Variants in DENND1A observed in about 807,000 individuals in gnomAD.
DENND1A encodes the protein DENN domain containing 1A.
Under a neutral mutation model 113.7 loss-of-function variants are expected in DENND1A, and 51 were observed. The ratio of observed to expected loss-of-function variants is 0.45; its 90% CI spans 0.36 to 0.57. The LOEUF (loss-of-function observed/expected upper bound fraction) is 0.57, where lower values mean the gene tolerates loss of function less well. Among genes scored for constraint, DENND1A ranks in the 20% least tolerant of loss-of-function variants. The pLI is 0.00. For synonymous variants in DENND1A, 565 were observed against 570.8 expected, an observed-to-expected ratio of 0.99 and a Z score of 0.14; for missense variants, 1,258 against 1,395.9, an observed-to-expected ratio of 0.90 and a Z score of 1.57.
chr9:123,557,577 A>T lies in DENND1A; in HGVS notation c.986T>A (p.Ile329Asn). Residue 329 changes from isoleucine to asparagine, a missense_variant, in exon 13 of 24, where the codon ATC becomes AAC. Around this residue, in one of 2 missense-constraint regions of DENND1A, gnomAD observed 1,159 missense variants for 1,231.7 expected, o/e 0.94. Transcript: ENST00000394215. ...CATGCCAAGGCTACTCACCGGCTCG[A>T]TTTTCAGAGCGTTTCGGTAGCTACC... ...FFGSYRNALK[I>N]EPEEPITFCE... 1 of 1,613,572 alleles carries T rather than the reference A, an allele frequency of 6.2e-7. No individual in the cohort carries two copies. The highest frequency in any genetic ancestry group is 8.5e-7 in the Non-Finnish European group (1 of 1,179,788).
intron 2 of DENND1A, among the ~76,000 whole-genome samples, chr9:123,818,272 T>C (rs1426967449): frequency 6.6e-6 from 1 of 151,572 alleles, no homozygotes; most frequent in African/African-American, 2.4e-5. Context: ...ACCCGGCTAA[T>C]TTTTTGTATT....
intron 13 of DENND1A, among the ~76,000 whole-genome samples, chr9:123,503,661 A>G (rs2052679467): frequency 6.6e-6 from 1 of 152,198 alleles, no homozygotes; most frequent in Non-Finnish European, 1.5e-5. Context: ...CTAGCTGTCT[A>G]ATGCCTGATA....
At chr9:123,853,200 G>T (rs991648054) in intron 2 of DENND1A, among the ~76,000 whole-genome samples, 9 of 151,620 alleles carry the variant, frequency 5.9e-5, no homozygotes, top group Admixed American at 4.6e-4. Flanking sequence ...TTACAGGCAT[G>T]AGCCACCACG....
chr9:123,615,628 T>C (rs2060616077), intron 10 of DENND1A, among the ~76,000 whole-genome samples: 1 of 152,244 alleles, frequency 6.6e-6, no homozygotes, highest in African/African-American at 2.4e-5. Context: ...CAAGTCCTAC[T>C]GAAGCCATGC....
At chr9:123,834,630 G>A (rs531587670) in intron 2 of DENND1A, among the ~76,000 whole-genome samples, 11 of 152,176 alleles carry the variant, frequency 7.2e-5, no homozygotes, top group African/African-American at 1.7e-4. Flanking sequence ...CTACTCACAC[G>A]TCATAAGCCC....
intron 5 of DENND1A, among the ~76,000 whole-genome samples, chr9:123,702,306 C>T (rs1053191260): frequency 1.3e-5 from 2 of 151,950 alleles, no homozygotes; most frequent in South Asian, 2.1e-4. Flanking sequence ...ATGAGATTTA[C>T]GGAATGGCAT....
chr9:123,534,986 T>C (rs1461409886), intron 13 of DENND1A, among the ~76,000 whole-genome samples: 2 of 152,122 alleles, frequency 1.3e-5, no homozygotes, highest in South Asian at 2.1e-4. Flanking sequence ...GGACAAAAAG[T>C]TGGAGGCAGA....
At chr9:123,754,688 A>G (rs1191462003) in intron 5 of DENND1A, among the ~76,000 whole-genome samples, 2 of 152,216 alleles carry the variant, frequency 1.3e-5, no homozygotes, top group East Asian at 3.8e-4. Context: ...GAATGAATTA[A>G]CCCACCGAAT....
At chr9:123,429,220 A>C (rs2045958117) in intron 19 of DENND1A, among the ~76,000 whole-genome samples, 1 of 152,178 alleles carries the variant, frequency 6.6e-6, no homozygotes. Context: ...ATATAACCTC[A>C]GAAATAAAAC....
At chr9:123,659,981 G>C (rs960343762) in intron 8 of DENND1A, among the ~76,000 whole-genome samples, 4 of 152,154 alleles carry the variant, frequency 2.6e-5, no homozygotes, top group Non-Finnish European at 4.4e-5. Context: ...AGGCTTTCCT[G>C]CTTCATTTTG....
At chr9:123,587,248 A>G (rs2059221482) in intron 11 of DENND1A, among the ~76,000 whole-genome samples, 1 of 152,224 alleles carries the variant, frequency 6.6e-6, no homozygotes, top group African/African-American at 2.4e-5. Flanking sequence ...AGAAGTACAG[A>G]GCATAACTGA....
In DENND1A at chr9:123,395,313, G is replaced by A. The variant is rs1213459273; in HGVS notation, c.1632-7455C>T. ...AAGAGGCGACAGACAAATGGGTCCC[G>A]TGTCTTCCGGGGCTGCTGCAGATCC... On this transcript the variant is annotated intron_variant, in intron 21 of 23. Coordinates refer to ENST00000394215, the MANE Select transcript of DENND1A (RefSeq NM_001352964.2). Among the ~76,000 whole-genome samples, 8 of 152,114 alleles carry A rather than the reference G, an allele frequency of 5.3e-5. No individual in the cohort carries two copies. In the South Asian group the frequency reaches 8.3e-4, roughly 16 times the overall value.
intron 2 of DENND1A, among the ~76,000 whole-genome samples, chr9:123,798,969 T>C (rs781407491): frequency 4.6e-5 from 7 of 152,136 alleles, no homozygotes; most frequent in Non-Finnish European, 8.8e-5. Context: ...TGAGTTAGGA[T>C]TCATTTTATC....
At chr9:123,657,888 A>G (rs180782563) in intron 8 of DENND1A, among the ~76,000 whole-genome samples, 1 of 151,762 alleles carries the variant, frequency 6.6e-6, no homozygotes, top group African/African-American at 2.4e-5. Flanking sequence ...ATCAAATCAG[A>G]GAAGAGTATT....
chr9:123,785,371 A>C (rs963047911), intron 3 of DENND1A, among the ~76,000 whole-genome samples: 1 of 152,052 alleles, frequency 6.6e-6, no homozygotes, highest in Non-Finnish European at 1.5e-5. Flanking sequence ...ACACAAAACC[A>C]AACAAAAAAG....
rs554180397 is a variant in DENND1A, at chr9:123,551,228, T to G, written c.993+6342A>C. Among the ~76,000 whole-genome samples, 28 of 152,260 alleles carry G rather than the reference T, an allele frequency of 1.8e-4. 1 individual carries two copies. The South Asian group carries it at 5.6e-3, about 30-fold the overall frequency. ...TGATTTGCAGACACCTTCCCCTCTA[T>G]CAGGAAGCAGCAACCTCTGAAGCCC... is the stretch of plus-strand genomic sequence containing the variant. On this transcript the variant is annotated intron_variant, in intron 13 of 23. Transcript: ENST00000394215.
intron 2 of DENND1A, among the ~76,000 whole-genome samples, chr9:123,835,111 GAAAA>G (rs35785869): frequency 8.9e-6 from 1 of 112,132 alleles, no homozygotes; most frequent in Non-Finnish European, 1.9e-5. Flanking sequence ...CTTTAGAGGG[GAAAA>G]AAAAAAAAAA....
intron 7 of DENND1A, among the ~76,000 whole-genome samples, chr9:123,667,460 C>CA (rs1437380159): frequency 6.6e-6 from 1 of 151,964 alleles, no homozygotes; most frequent in Admixed American, 6.6e-5. Context: ...ACTGAAAATA[C>CA]AAAAAAATTA....
At chr9:123,449,356 G>A (rs184255041) in intron 18 of DENND1A, among the ~76,000 whole-genome samples, 3,445 of 152,172 alleles carry the variant, frequency 0.023, 47 homozygotes, top group Middle Eastern at 0.041. Context: ...CCAACATGGC[G>A]AAACCCCGTC....
Sources: gnomAD v4.1 joint callset for allele counts (sites outside exome capture counted in the v4.1 genomes callset) on GRCh38, gnomAD v4.1.1 for gene constraint, gnomAD v4.1.1 regional missense constraint, MANE v1.5 for transcripts, NCBI Gene and HGNC (gene_info 2026-07-23, HGNC 2026-07-21) for gene names.